ST6GALNAC5: variants seen among roughly 807,000 people sequenced by gnomAD.
ST6GALNAC5 encodes alpha-N-acetylgalactosaminide alpha-2,6-sialyltransferase 5.
In ST6GALNAC5, 27 loss-of-function variants were observed where a neutral mutation model predicts 33.6. The observed-to-expected ratio is 0.80, with a 90% CI of 0.59 to 1.11. ST6GALNAC5 has a LOEUF of 1.11. Ranked by LOEUF, ST6GALNAC5 falls within the 50% of genes least tolerant of loss-of-function variation. ST6GALNAC5 has a pLI of 0.00. For synonymous variants in ST6GALNAC5, 194 were observed against 171.2 expected (o/e 1.13, Z -1.04); for missense variants, 428 against 454.0 (o/e 0.94, Z 0.52).
intron 2 of ST6GALNAC5, among the ~76,000 whole-genome samples, chr1:76,901,091 G>A (rs769324675): frequency 2.0e-5 from 3 of 152,188 alleles, no homozygotes; most frequent in Non-Finnish European, 4.4e-5. Flanking sequence ...TGGAATAGTT[G>A]CAATAAGTGT....
chr1:77,065,559 T>G lies in ST6GALNAC5; in HGVS notation c.*2353T>G, dbSNP rs1167130699. On this transcript the variant is annotated 3_prime_UTR_variant, in exon 5 of 5. Coordinates refer to ENST00000477717, the MANE Select transcript of ST6GALNAC5 (RefSeq NM_030965.3). ...AAAAAATTACCACTTGCAAAGTGGT[T>G]TTATTACAGCGTTAAAGAAAATGAC... The G allele has an allele frequency of 6.6e-6, 1 of 152,212 alleles. No individual in the cohort carries two copies. The highest frequency in any genetic ancestry group is 1.5e-5 in the Non-Finnish European group (1 of 68,048). The allele number at this position is 152,212 out of a possible 1,614,324, so 9.4% of individuals were successfully genotyped here. A position where few individuals can be genotyped will look rare whatever the true frequency, so the allele number is the denominator to read the frequency against.
chr1:76,902,872 G>T (rs80142739), intron 2 of ST6GALNAC5, among the ~76,000 whole-genome samples: 2,760 of 152,072 alleles, frequency 0.018, 85 homozygotes, highest in African/African-American at 0.062. Flanking sequence ...ACACAATATA[G>T]AAAAATTAAC....
intron 2 of ST6GALNAC5, among the ~76,000 whole-genome samples, chr1:76,908,264 C>G (rs1350757993): frequency 2.6e-5 from 4 of 152,120 alleles, no homozygotes; most frequent in Non-Finnish European, 5.9e-5. Context: ...AAGATCAAGG[C>G]AGTGGCAGAT....
chr1:76,911,784 G>GTGATATCCCCTTTATCAT (rs1292142423), intron 2 of ST6GALNAC5, among the ~76,000 whole-genome samples: 1 of 150,642 alleles, frequency 6.6e-6, no homozygotes, highest in Non-Finnish European at 1.5e-5. Flanking sequence ...GGGATCGGTG[G>GTGATATCCCCTTTATCAT]TTTGATTGCG....
At chr1:76,881,020 T>C (rs1328653798) in intron 2 of ST6GALNAC5, among the ~76,000 whole-genome samples, 2 of 152,208 alleles carry the variant, frequency 1.3e-5, no homozygotes, top group Non-Finnish European at 1.5e-5. Context: ...AATTAAAACA[T>C]ATCATTAATC....
At chr1:76,986,097 G>A (rs1405247272) in intron 2 of ST6GALNAC5, among the ~76,000 whole-genome samples, 1 of 152,176 alleles carries the variant, frequency 6.6e-6, no homozygotes, top group Non-Finnish European at 1.5e-5. Flanking sequence ...ATAGGCATGG[G>A]CAAGGACTTC....
At chr1:76,967,612 C>A (rs1398611464) in intron 2 of ST6GALNAC5, among the ~76,000 whole-genome samples, 1 of 151,996 alleles carries the variant, frequency 6.6e-6, no homozygotes, top group South Asian at 2.1e-4. Flanking sequence ...TAGTTATTTC[C>A]TGCATTCTGC....
rs948741091 is a variant in ST6GALNAC5, at chr1:77,063,575, G to A, written c.*369G>A. The A allele has an allele frequency of 1.8e-5, 4 of 226,096 alleles. No individual in the cohort carries two copies. The highest frequency in any genetic ancestry group is 1.1e-4 in the East Asian group (1 of 9,518). The allele number at this position is 226,096 out of a possible 1,614,324, so 14.0% of individuals were successfully genotyped here. A position where few individuals can be genotyped will look rare whatever the true frequency, so the allele number is the denominator to read the frequency against. On this transcript the variant is annotated 3_prime_UTR_variant, in exon 5 of 5. Coordinates refer to ENST00000477717, the MANE Select transcript of ST6GALNAC5 (RefSeq NM_030965.3). Reference sequence around the variant, plus strand: ...TTTATAGACATACCATGTCAAAGACGTTTTTCTATCAAGTTGTATTCTTTC... The same window carrying A: ...TTTATAGACATACCATGTCAAAGACATTTTTCTATCAAGTTGTATTCTTTC...
At chr1:76,901,322 C>T (rs187077850) in intron 2 of ST6GALNAC5, among the ~76,000 whole-genome samples, 10 of 152,264 alleles carry the variant, frequency 6.6e-5, no homozygotes, top group African/African-American at 2.4e-4. Context: ...TTCCCAATTG[C>T]AAAGGGAGCA....
At chr1:76,874,965 A>G (rs139860878) in intron 2 of ST6GALNAC5, among the ~76,000 whole-genome samples, 2,958 of 152,294 alleles carry the variant, frequency 0.019, 55 homozygotes, top group Admixed American at 0.051. Flanking sequence ...ACCAACCCCC[A>G]ACCCAAATAC....
chr1:76,955,265 T>C (rs1340596456), intron 2 of ST6GALNAC5, among the ~76,000 whole-genome samples: 1 of 152,160 alleles, frequency 6.6e-6, no homozygotes, highest in Non-Finnish European at 1.5e-5. Flanking sequence ...TCTGGGGACC[T>C]GACCACTGTC....
chr1:77,008,435 C>A (rs1030207336), intron 2 of ST6GALNAC5, among the ~76,000 whole-genome samples: 1 of 152,182 alleles, frequency 6.6e-6, no homozygotes, highest in South Asian at 2.1e-4. Context: ...CACTATCTGC[C>A]CCATAAAACT....
intron 2 of ST6GALNAC5, among the ~76,000 whole-genome samples, chr1:76,898,818 G>A (rs1010295268): frequency 6.6e-6 from 1 of 152,170 alleles, no homozygotes; most frequent in Non-Finnish European, 1.5e-5. Flanking sequence ...GAGGAGCGGA[G>A]CCTGAGGAAG....
In ST6GALNAC5 at chr1:76,981,010, A is replaced by T. The variant is rs145586011; in HGVS notation, c.262-63194A>T. ...GTATTTAAAATAATATGTAATGAAAAAGGGGGGCACATTCCAAGATGGCCA... is the reference window on the plus strand; with the variant it reads ...GTATTTAAAATAATATGTAATGAAATAGGGGGGCACATTCCAAGATGGCCA... On this transcript the variant is annotated intron_variant, in intron 2 of 4. Coordinates refer to ENST00000477717, the MANE Select transcript of ST6GALNAC5 (RefSeq NM_030965.3). 2.0e-3 allele frequency among the ~76,000 whole-genome samples: 302 copies of T among 152,268 alleles called. 2 individuals carry two copies. Among genetic ancestry groups the T allele is most frequent in the African/African-American group, 7.0e-3 (290 of 41,550 alleles).
At chr1:77,004,663 G>A (rs950567430) in intron 2 of ST6GALNAC5, among the ~76,000 whole-genome samples, 12 of 117,264 alleles carry the variant, frequency 1.0e-4, no homozygotes, top group African/African-American at 3.1e-4. Flanking sequence ...GTACAGATGG[G>A]TTTTTGGTGT....
chr1:76,944,974 T>C (rs1288333998), intron 2 of ST6GALNAC5, among the ~76,000 whole-genome samples: 15 of 152,132 alleles, frequency 9.9e-5, no homozygotes. Flanking sequence ...ACCATCCCAC[T>C]GCTGTCTTAG....
chr1:76,929,183 C>T (rs910189399), intron 2 of ST6GALNAC5, among the ~76,000 whole-genome samples: 1 of 152,144 alleles, frequency 6.6e-6, no homozygotes, highest in Non-Finnish European at 1.5e-5. Context: ...CACATCCTTT[C>T]AAGTTTCAGG....
chr1:77,012,544 C>T (rs6703499), intron 2 of ST6GALNAC5, among the ~76,000 whole-genome samples: 11,187 of 152,116 alleles, frequency 0.074, 570 homozygotes, highest in South Asian at 0.25. Context: ...AGCTAGAAAG[C>T]TTCACTATGT....
intron 2 of ST6GALNAC5, among the ~76,000 whole-genome samples, chr1:76,992,963 T>C (rs1649795240): frequency 6.6e-6 from 1 of 152,200 alleles, no homozygotes; most frequent in South Asian, 2.1e-4. Flanking sequence ...CTACCTCCTA[T>C]CTACAGGACT....
Sources: allele counts gnomAD v4.1 joint callset (sites outside exome capture counted in the v4.1 genomes callset), GRCh38; gene constraint gnomAD v4.1.1; transcripts MANE v1.5; gene names NCBI Gene and HGNC (gene_info 2026-07-23, HGNC 2026-07-21).